Variants in SOX30 observed in about 807,000 individuals in gnomAD.
SOX30 encodes the protein SRY-box transcription factor 30.
In SOX30, 17 loss-of-function variants were observed where a neutral mutation model predicts 58.6. The ratio of observed to expected loss-of-function variants is 0.29; its 90% confidence interval spans 0.20 to 0.44. The LOEUF is 0.44. Ranked by LOEUF, SOX30 falls within the 20% of genes least tolerant of loss-of-function variation. The pLI is 1.00. For missense variants in SOX30, 951 were observed against 965.8 expected, an observed-to-expected ratio of 0.98 and a Z score of 0.20; for synonymous variants, 421 against 400.2, an observed-to-expected ratio of 1.05 and a Z score of -0.62.
exon 1 of SOX30, chr5:157,671,454 C>T (rs766214746): frequency 1.9e-5 from 12 of 624,542 alleles, no homozygotes; most frequent in Non-Finnish European, 3.4e-5. Flanking sequence ...GTCCAACAGC[C>T]CCCGTCCCCT....
intron 2 of SOX30, among the ~76,000 whole-genome samples, chr5:157,657,758 C>A (rs1453972311): frequency 2.0e-5 from 3 of 152,154 alleles, no homozygotes; most frequent in Non-Finnish European, 4.4e-5. Flanking sequence ...CCTAATTTCT[C>A]CAGAATGTGG....
intron 1 of SOX30, among the ~76,000 whole-genome samples, chr5:157,668,141 T>C (rs1452104715): frequency 6.6e-6 from 1 of 152,248 alleles, no homozygotes; most frequent in Non-Finnish European, 1.5e-5. Context: ...GGAACTGCTC[T>C]GTGAGGGATG....
chr5:157,631,048 TA>T (rs1358203724), intron 4 of SOX30, among the ~76,000 whole-genome samples: 4 of 31,102 alleles, frequency 1.3e-4, no homozygotes, highest in African/African-American at 3.8e-4. Context: ...ATATATATTT[TA>T]TATATATATA....
At chr5:157,669,040 C>G (rs538475946) in intron 1 of SOX30, among the ~76,000 whole-genome samples, 1 of 152,192 alleles carries the variant, frequency 6.6e-6, no homozygotes, top group Admixed American at 6.5e-5. Context: ...GTCACAAGGC[C>G]AAAAGGTGCC....
At chr5:157,652,780 T>TG, upstream of SOX30, among the ~76,000 whole-genome samples, 1 of 152,230 alleles carries the variant, frequency 6.6e-6, no homozygotes, top group East Asian at 1.9e-4. Flanking sequence ...GCCATTATCC[T>TG]GTTCCAGGCT....
intron 1 of SOX30, among the ~76,000 whole-genome samples, chr5:157,669,966 G>T (rs1313255233): frequency 1.3e-5 from 2 of 152,162 alleles, no homozygotes; most frequent in Non-Finnish European, 2.9e-5. Context: ...CCCCAGGAAG[G>T]GCAGCTAGGG....
At chr5:157,671,308 G>C in intron 1 of SOX30, 1 of 378,890 alleles carries the variant, frequency 2.6e-6, no homozygotes, top group South Asian at 5.7e-5. Flanking sequence ...ACGTCGAAGC[G>C]GAAAAGGTCT....
intron 3 of SOX30, among the ~76,000 whole-genome samples, chr5:157,643,390 A>T (rs1359079392): frequency 3.9e-5 from 6 of 152,204 alleles, no homozygotes; most frequent in Non-Finnish European, 5.9e-5. Context: ...ACTGCACTCC[A>T]GCGTGGGCAA....
chr5:157,651,557 G>A lies in SOX30; in HGVS notation c.522C>T (p.Ala174=), dbSNP rs1235535979. The part of the protein sequence containing the change: ...RVVKLEGPGP[A]LGYFRGDEKG... ...TCTCGTCCCCTCGGAAGTAGCCGAG[G>A]GCCGGCCCGGGGCCTTCCAACTTGA... The change falls in exon 1 of 5, where the codon GCC becomes GCT. Residue 174 remains alanine, a synonymous_variant. Transcript: ENST00000265007. The A allele has an allele frequency of 1.9e-5, 31 of 1,612,954 alleles. No homozygotes were observed. Among genetic ancestry groups the A allele is most frequent in the Non-Finnish European group, 2.6e-5 (31 of 1,179,900 alleles).
At chr5:157,633,775 T>C (rs1002839545) in intron 4 of SOX30, among the ~76,000 whole-genome samples, 1 of 152,268 alleles carries the variant, frequency 6.6e-6, no homozygotes, top group African/African-American at 2.4e-5. Flanking sequence ...TTGAACTTAC[T>C]TTCCCTACAA....
chr5:157,649,922 G>A (rs1158303551), intron 1 of SOX30, among the ~76,000 whole-genome samples: 1 of 151,796 alleles, frequency 6.6e-6, no homozygotes, highest in African/African-American at 2.4e-5. Context: ...TAATTTTTTT[G>A]AAAGTCAGAG....
chr5:157,659,524 G>A (rs1759539112), intron 2 of SOX30, among the ~76,000 whole-genome samples: 1 of 152,190 alleles, frequency 6.6e-6, no homozygotes, highest in South Asian at 2.1e-4. Flanking sequence ...ATAGATGCAT[G>A]GGTGTATTTC....
chr5:157,643,966 T>C (rs908874179), intron 3 of SOX30, among the ~76,000 whole-genome samples: 3 of 152,184 alleles, frequency 2.0e-5, no homozygotes, highest in African/African-American at 4.8e-5. Context: ...TTGCAAGTGA[T>C]ACTGACCTCT....
At chr5:157,640,504 C>A (rs1362076078) in intron 3 of SOX30, among the ~76,000 whole-genome samples, 1 of 152,092 alleles carries the variant, frequency 6.6e-6, no homozygotes. Context: ...TACATGCGCA[C>A]TGACCACCAG....
intron 4 of SOX30, among the ~76,000 whole-genome samples, chr5:157,636,982 A>C (rs1042472761): frequency 5.3e-5 from 8 of 151,996 alleles, no homozygotes; most frequent in Non-Finnish European, 4.4e-5. Context: ...ACACAAAAAA[A>C]ATTAGCCAGG....
Position 157,666,886 on chromosome 5 carries a change from A to G in SOX30, c.52+912T>C, listed in dbSNP as rs116493017. 2.4e-3 allele frequency among the ~76,000 whole-genome samples: 364 copies of G among 152,198 alleles called. 3 individuals carry two copies. The highest frequency in any genetic ancestry group is 8.5e-3 in the African/African-American group (352 of 41,558). Reference sequence around the variant, plus strand: ...ACACCTGGCTAATTTTTGTGTTTTCAGTAGGGACGGGGTTTCATCATGTTG... The same window carrying G: ...ACACCTGGCTAATTTTTGTGTTTTCGGTAGGGACGGGGTTTCATCATGTTG... On this transcript the variant is annotated intron_variant, in intron 2 of 5. Coordinates refer to the SOX30 transcript ENST00000519442.
At chr5:157,662,514 T>C (rs532083511) in intron 2 of SOX30, among the ~76,000 whole-genome samples, 1 of 152,368 alleles carries the variant, frequency 6.6e-6, no homozygotes, top group East Asian at 1.9e-4. Flanking sequence ...AATTTTGATA[T>C]GCTCTGATTT....
rs1759373577 is a variant in SOX30 at position 157,652,166 on chromosome 5, AG to A, written c.-89del. ...CCCCCTTTCGGTTAAGAGCCTTGCA[AG>A]GCCTTTGCTACCCAGAACCCTACGC... is the stretch of plus-strand genomic sequence containing the variant. On this transcript the variant is annotated 5_prime_UTR_variant, in exon 1 of 5. Transcript: ENST00000265007. 1 of 1,373,598 alleles carries A rather than the reference AG, an allele frequency of 7.3e-7. No homozygotes were observed. Among genetic ancestry groups the A allele is most frequent in the African/African-American group, 1.5e-5 (1 of 65,202 alleles). The allele number at this position is 1,373,598 out of a possible 1,614,324, so 85.1% of individuals were successfully genotyped here.
In SOX30 at chr5:157,641,524, A is replaced by G. The variant is rs185664984; in HGVS notation, c.1388-2802T>C. 2.3e-4 allele frequency among the ~76,000 whole-genome samples: 35 copies of G among 152,240 alleles called. No homozygotes were observed. In the East Asian group the frequency reaches 6.8e-3, roughly 29 times the overall value. ...GCTACTCTGGAGGCTGAGGCAGGAG[A>G]ATTGCTTAAACCTGGTAGGTGGAGG... On this transcript the variant is annotated intron_variant, in intron 3 of 4. Coordinates refer to ENST00000265007, the MANE Select transcript of SOX30 (RefSeq NM_178424.2).
Sources: allele counts gnomAD v4.1 joint callset (sites outside exome capture counted in the v4.1 genomes callset), GRCh38; gene constraint gnomAD v4.1.1; transcripts MANE v1.5; gene names NCBI Gene and HGNC (gene_info 2026-07-23, HGNC 2026-07-21).